AQR: variants seen among roughly 807,000 people sequenced by gnomAD.
AQR encodes aquarius intron-binding spliceosomal factor.
A neutral mutation model predicts 180.5 loss-of-function variants in AQR; 61 were observed. The ratio of observed to expected loss-of-function variants is 0.34; its 90% CI spans 0.28 to 0.42. The LOEUF (loss-of-function observed/expected upper bound fraction) is 0.42, where lower values mean the gene tolerates loss of function less well. AQR is among the 10% of genes least tolerant of loss of function. The probability of loss-of-function intolerance (pLI) is 1.00; values close to 1 mark genes in which losing one functional copy is unlikely to be tolerated. For synonymous variants in AQR, 551 were observed against 588.8 expected, an observed-to-expected ratio of 0.94 and a Z score of 0.93; for missense variants, 1,281 against 1,798.3, an observed-to-expected ratio of 0.71 and a Z score of 5.20.
At chr15:34,965,163 C>A (rs1039470813) in intron 1 of AQR, among the ~76,000 whole-genome samples, 2 of 152,162 alleles carry the variant, frequency 1.3e-5, no homozygotes, top group African/African-American at 4.8e-5. Context: ...GTATATAACT[C>A]TTTATAATCT....
At chr15:34,926,040 G>A (rs930965301) in intron 13 of AQR, among the ~76,000 whole-genome samples, 11 of 151,868 alleles carry the variant, frequency 7.2e-5, no homozygotes, top group South Asian at 2.1e-4. Flanking sequence ...GGTGGCGGGC[G>A]CCTGTAGTCC....
rs761620771 is a variant in AQR, at chr15:34,860,023, T to C, written c.4143+19A>G. The C allele has an allele frequency of 8.0e-7, 1 of 1,243,460 alleles. No individual in the cohort carries two copies. The highest frequency in any genetic ancestry group is 1.1e-6 in the Non-Finnish European group (1 of 933,672). The allele number at this position is 1,243,460 out of a possible 1,614,324, so 77.0% of individuals were successfully genotyped here. The stretch of plus-strand genomic sequence containing the variant: ...ATTTCTACAGCAAGAAAAATAAAAG[T>C]CGATTTTGAGAAACTCACCTGATGA... On this transcript the variant is annotated intron_variant, in intron 34 of 34. Transcript: ENST00000156471.
intron 34 of AQR, among the ~76,000 whole-genome samples, chr15:34,859,181 GAATA>G: frequency 6.6e-6 from 1 of 152,052 alleles, no homozygotes; most frequent in East Asian, 1.9e-4. Flanking sequence ...CTTGTAGCCA[GAATA>G]AATAAAAACC....
chr15:34,871,227 C>T (rs557273680), intron 30 of AQR, among the ~76,000 whole-genome samples: 49 of 152,226 alleles, frequency 3.2e-4, no homozygotes, highest in African/African-American at 1.1e-3. Context: ...ACTATTCTGG[C>T]CAGGCATGGT....
chr15:34,924,242 T>G (rs1278776276), intron 13 of AQR, among the ~76,000 whole-genome samples: 1 of 152,192 alleles, frequency 6.6e-6, no homozygotes, highest in Non-Finnish European at 1.5e-5. Flanking sequence ...ATTTTCTTAA[T>G]TTACTTCAAC....
intron 32 of AQR, among the ~76,000 whole-genome samples, chr15:34,863,768 T>C (rs1322772140): frequency 6.6e-6 from 1 of 152,148 alleles, no homozygotes; most frequent in Non-Finnish European, 1.5e-5. Flanking sequence ...TTTAAAAGAA[T>C]CTAAGTTTTT....
At position 34,912,539 on chromosome 15, in the gene AQR, A is replaced by G. The variant is rs371169878; in HGVS notation, c.1485-2226T>C. 7.2e-5 allele frequency among the ~76,000 whole-genome samples: 11 copies of G among 152,218 alleles called. 2 individuals are homozygous for G. Among genetic ancestry groups the G allele is most frequent in the East Asian group, 1.9e-4 (1 of 5,186 alleles). ...TTTCAAATACATTTTAGGACAAGCT[A>G]TAATTTCAAAAAAAATTAAAAACAA... On this transcript the variant is annotated intron_variant, in intron 16 of 34. Coordinates refer to ENST00000156471, the MANE Select transcript of AQR (RefSeq NM_014691.3).
In AQR at chr15:34,857,112, TA is replaced by T. The variant is rs371217912; in HGVS notation, c.4144-7del. On this transcript the variant is annotated splice_region_variant and splice_polypyrimidine_tract_variant and intron_variant, in intron 34 of 34. Coordinates refer to ENST00000156471, the MANE Select transcript of AQR (RefSeq NM_014691.3). ...GGTGGTAGTTGTAATAAAGTCTAAT[TA>T]AAAAAAAAAAAACAAAGACAATACC... 32,443 of 1,131,012 alleles carry T rather than the reference TA, an allele frequency of 0.029. 121 individuals are homozygous for T. The highest frequency in any genetic ancestry group is 0.077 in the African/African-American group (4,920 of 63,706). The allele number at this position is 1,131,012 out of a possible 1,614,324, so 70.1% of individuals were successfully genotyped here.
At chr15:34,871,661 C>T (rs1892819465) in intron 30 of AQR, among the ~76,000 whole-genome samples, 1 of 152,080 alleles carries the variant, frequency 6.6e-6, no homozygotes, top group South Asian at 2.1e-4. Flanking sequence ...AATTTTTGCA[C>T]AGTGCTTTTC....
At chr15:34,898,623 C>T (rs1893282828) in intron 20 of AQR, among the ~76,000 whole-genome samples, 1 of 152,234 alleles carries the variant, frequency 6.6e-6, no homozygotes, top group Admixed American at 6.5e-5. Context: ...CGTTGGCTCA[C>T]ACCTGTGATC....
intron 27 of AQR, among the ~76,000 whole-genome samples, chr15:34,882,188 G>T (rs937864860): frequency 1.3e-5 from 2 of 151,856 alleles, no homozygotes; most frequent in Non-Finnish European, 1.5e-5. Flanking sequence ...TTAATTAGGT[G>T]AATTTTAGGC....
chr15:34,874,553 ATGGATAGCCAAGTTCC>A (rs1365694718), intron 29 of AQR, 108 bp downstream of exon 29: 4 of 1,165,764 alleles, frequency 3.4e-6, no homozygotes, highest in Admixed American at 2.6e-5. Flanking sequence ...TTTTGGATTT[ATGGATAGCCAAGTTCC>A]TGGATAGCCA....
intron 17 of AQR, among the ~76,000 whole-genome samples, chr15:34,908,495 T>G (rs1449168645): frequency 2.0e-5 from 3 of 152,182 alleles, no homozygotes. Context: ...ATTTTCTATT[T>G]GGCTACCCTA....
chr15:34,883,214 A>C (rs1397975773), intron 26 of AQR, among the ~76,000 whole-genome samples: 1 of 152,178 alleles, frequency 6.6e-6, no homozygotes, highest in Non-Finnish European at 1.5e-5. Flanking sequence ...ATGAAGAAAT[A>C]CCTTGGCACT....
At chr15:34,884,320 C>T (rs961095209) in intron 26 of AQR, among the ~76,000 whole-genome samples, 2 of 151,922 alleles carry the variant, frequency 1.3e-5, no homozygotes, top group South Asian at 2.1e-4. Context: ...GCAGGAGAAT[C>T]GCCTGAACCT....
chr15:34,896,385 G>A (rs187265802), intron 22 of AQR, among the ~76,000 whole-genome samples: 34 of 152,294 alleles, frequency 2.2e-4, no homozygotes, highest in African/African-American at 8.2e-4. Context: ...GGGCAGTCAT[G>A]TTCTAATAAA....
At chr15:34,925,697 G>A (rs183589057) in intron 13 of AQR, among the ~76,000 whole-genome samples, 380 of 152,114 alleles carry the variant, frequency 2.5e-3, no homozygotes, top group African/African-American at 8.7e-3. Flanking sequence ...GCTGGGCATG[G>A]TGGCGTGTGC....
At chr15:34,957,591 C>T (rs1168197264) in intron 3 of AQR, among the ~76,000 whole-genome samples, 1 of 150,736 alleles carries the variant, frequency 6.6e-6, no homozygotes, top group African/African-American at 2.4e-5. Context: ...ATCCCTGCTA[C>T]TCGGGAGGCT....
In AQR at chr15:34,910,302, T is replaced by C. The variant is rs749331372; in HGVS notation, c.1496A>G (p.Tyr499Cys). 2 of 1,613,394 alleles carry C rather than the reference T, an allele frequency of 1.2e-6. No individual in the cohort carries two copies. Among genetic ancestry groups the C allele is most frequent in the South Asian group, 1.1e-5 (1 of 91,032 alleles). ...CCAACCACCAAACACTACACCGCCA[T>C]ATTCAGATTGCCTGAAACCAAAGAA... is the stretch of plus-strand genomic sequence containing the variant. The part of the protein sequence containing the change: ...VSRMKPWQSE[Y>C]GGVVFGGWAR... The change falls in exon 17 of 35, where the codon TAT becomes TGT. Residue 499 changes from tyrosine (Y) to cysteine (C), a missense_variant. Tyr to Cys is a radical substitution (Grantham distance 194, BLOSUM62 -2). Transcript: ENST00000156471.
Sources: gnomAD v4.1 joint callset for allele counts (sites outside exome capture counted in the v4.1 genomes callset) on GRCh38, gnomAD v4.1.1 for gene constraint, MANE v1.5 for transcripts, NCBI Gene and HGNC (gene_info 2026-07-23, HGNC 2026-07-21) for gene names.